Variants in RYR3 observed in about 807,000 individuals in gnomAD.
RYR3 encodes the protein brain ryanodine receptor-calcium release channel.
In RYR3, 207 loss-of-function variants were observed where a neutral mutation model predicts 584.3. The observed-to-expected ratio is 0.35, with a 90% CI of 0.32 to 0.40. The LOEUF (loss-of-function observed/expected upper bound fraction) is 0.40, where lower values mean the gene tolerates loss of function less well. Ranked by LOEUF, RYR3 falls within the 10% of genes least tolerant of loss-of-function variation. The pLI is 1.00. For synonymous variants in RYR3, 2,416 were observed against 2,248.5 expected (o/e 1.07, Z -2.11); for missense variants, 5,616 against 6,089.2 (o/e 0.92, Z 2.59).
Position 33,728,844 on chromosome 15 carries a change from A to T in RYR3, c.7034-13A>T. On this transcript the variant is annotated splice_polypyrimidine_tract_variant and intron_variant, in intron 46 of 103. Transcript: ENST00000634891. ...CAGGAAAAGGGAAATTACATTTTCTATGTGTCTTTCAGATGGGTCGGTCAG... is the reference window on the plus strand; with the variant it reads ...CAGGAAAAGGGAAATTACATTTTCTTTGTGTCTTTCAGATGGGTCGGTCAG... 1 of 1,605,990 alleles carries T rather than the reference A, an allele frequency of 6.2e-7. No homozygotes were observed. Among genetic ancestry groups the T allele is most frequent in the Non-Finnish European group, 8.5e-7 (1 of 1,177,016 alleles).
At position 33,558,298 on chromosome 15, in the gene RYR3, C is replaced by T. The variant is rs1207161328; in HGVS notation, c.973-4539C>T. ...TGTGTGATGTTCCCCTTCCTGTGTCCAGGTGTTCTCATTGTTCAATTCCCA... is the reference window on the plus strand; with the variant it reads ...TGTGTGATGTTCCCCTTCCTGTGTCTAGGTGTTCTCATTGTTCAATTCCCA... On this transcript the variant is annotated intron_variant, in intron 10 of 103. Coordinates refer to ENST00000634891, the MANE Select transcript of RYR3 (RefSeq NM_001036.6). Among the ~76,000 whole-genome samples the T allele has an allele frequency of 8.6e-5, 13 of 151,232 alleles. 1 individual carries two copies. Among genetic ancestry groups the T allele is most frequent in the Non-Finnish European group, 1.8e-4 (12 of 67,864 alleles).
intron 27 of RYR3, among the ~76,000 whole-genome samples, chr15:33,641,491 C>A (rs1212658446): frequency 6.6e-6 from 1 of 152,152 alleles, no homozygotes; most frequent in Non-Finnish European, 1.5e-5. Flanking sequence ...TTTTAAATGC[C>A]TCAAATAAAG....
intron 12 of RYR3, among the ~76,000 whole-genome samples, chr15:33,579,600 C>T (rs1397083703): frequency 6.6e-6 from 1 of 152,072 alleles, no homozygotes; most frequent in Non-Finnish European, 1.5e-5. Flanking sequence ...GAGTCACTGT[C>T]AAAATCACAG....
At chr15:33,443,761 G>T (rs2046408460) in intron 1 of RYR3, among the ~76,000 whole-genome samples, 2 of 152,180 alleles carry the variant, frequency 1.3e-5, no homozygotes, top group South Asian at 4.1e-4. Flanking sequence ...CTGTGCCTCT[G>T]CCACATGCCC....
At chr15:33,511,592 T>C (rs1458001539) in intron 3 of RYR3, among the ~76,000 whole-genome samples, 1 of 146,330 alleles carries the variant, frequency 6.8e-6, no homozygotes, top group Admixed American at 6.8e-5. Flanking sequence ...TTCCATTCTT[T>C]GTGTCTCTGC....
chr15:33,410,347 T>A (rs1436681308), intron 1 of RYR3, among the ~76,000 whole-genome samples: 1 of 152,222 alleles, frequency 6.6e-6, no homozygotes, highest in Non-Finnish European at 1.5e-5. Context: ...TTTAGAATCA[T>A]TTGAGTTGAA....
chr15:33,671,383 C>A (rs1478220355), intron 38 of RYR3, among the ~76,000 whole-genome samples: 1 of 152,242 alleles, frequency 6.6e-6, no homozygotes, highest in Non-Finnish European at 1.5e-5. Context: ...CCTTTCAAAT[C>A]GTAGACTAGA....
intron 1 of RYR3, among the ~76,000 whole-genome samples, chr15:33,336,508 G>A (rs8028565): frequency 0.15 from 3,309 of 22,704 alleles, 1,142 homozygotes; most frequent in African/African-American, 0.29. Flanking sequence ...GAAAGAAGGA[G>A]GGAAGGAGGG....
chr15:33,603,631 G>T (rs1223708120), intron 18 of RYR3, among the ~76,000 whole-genome samples: 1 of 152,168 alleles, frequency 6.6e-6, no homozygotes, highest in African/African-American at 2.4e-5. Context: ...GAATCGTTAG[G>T]ATTATATGAA....
rs1566919568 is a variant in RYR3, at chr15:33,669,847, G to GA, written c.5722+391_5722+392insA. Among the ~76,000 whole-genome samples, 4 of 46,674 alleles carry GA rather than the reference G, an allele frequency of 8.6e-5. 2 individuals carry two copies. The highest frequency in any genetic ancestry group is 5.7e-4 in the Admixed American group (2 of 3,510). 30.6% of individuals were successfully genotyped at this position (46,674 alleles called of 152,430 possible). On this transcript the variant is annotated intron_variant, in intron 37 of 103. Transcript: ENST00000634891. ...GCTATTAGGGGTGTGTGTGTGTGGG[G>GA]GGGGGGGGGGGTGTGGGTGTGTGGG...
intron 1 of RYR3, among the ~76,000 whole-genome samples, chr15:33,320,633 G>A (rs550891407): frequency 1.9e-3 from 291 of 152,262 alleles, no homozygotes; most frequent in African/African-American, 6.7e-3. Flanking sequence ...CTGTTGAAAG[G>A]TATGACCTTG....
intron 1 of RYR3, among the ~76,000 whole-genome samples, chr15:33,417,585 G>A (rs928937605): frequency 2.0e-5 from 3 of 152,058 alleles, no homozygotes; most frequent in Admixed American, 1.3e-4. Context: ...GTCATTTGGC[G>A]GAATCTTTAG....
At chr15:33,811,713 T>G (rs2076560338) in intron 72 of RYR3, among the ~76,000 whole-genome samples, 1 of 152,090 alleles carries the variant, frequency 6.6e-6, no homozygotes, top group South Asian at 2.1e-4. Context: ...GGTGTCAGAA[T>G]TTACTGACTG....
At chr15:33,535,594 G>GA (rs2055258732) in intron 5 of RYR3, among the ~76,000 whole-genome samples, 1 of 152,108 alleles carries the variant, frequency 6.6e-6, no homozygotes, top group Non-Finnish European at 1.5e-5. Flanking sequence ...CAATCCTGAA[G>GA]AATATGATCA....
intron 93 of RYR3, chr15:33,847,357 T>C (rs2078793135): frequency 6.6e-6 from 1 of 152,226 alleles, no homozygotes; most frequent in Non-Finnish European, 1.5e-5. Flanking sequence ...GTGGGGTACA[T>C]GCATATCATG....
chr15:33,677,520 T>C (rs1164149218), intron 38 of RYR3, among the ~76,000 whole-genome samples: 1 of 152,180 alleles, frequency 6.6e-6, no homozygotes, highest in Non-Finnish European at 1.5e-5. Flanking sequence ...AAACTGATTA[T>C]GAGGCTGGTT....
At chr15:33,560,455 T>TTG (rs754165268) in intron 10 of RYR3, among the ~76,000 whole-genome samples, 5 of 151,752 alleles carry the variant, frequency 3.3e-5, no homozygotes, top group African/African-American at 7.3e-5. Flanking sequence ...CTTTGTATTT[T>TTG]TTTTTTGCAA....
intron 76 of RYR3, among the ~76,000 whole-genome samples, chr15:33,819,515 T>G (rs577123678): frequency 1.3e-5 from 2 of 151,302 alleles, no homozygotes; most frequent in Non-Finnish European, 2.9e-5. Flanking sequence ...CTACTAAAAA[T>G]ATAAAAAAGT....
Position 33,857,875 on chromosome 15 carries a change from C to G in RYR3, c.14103C>G (p.Asp4701Glu). 1 of 1,614,174 alleles carries G rather than the reference C, an allele frequency of 6.2e-7. No individual in the cohort carries two copies. Among genetic ancestry groups the G allele is most frequent in the Non-Finnish European group, 8.5e-7 (1 of 1,180,038 alleles). The part of the protein sequence containing the change: ...FFRKFYNKSE[D>E]DDEPDMKCDD... ...GCAAGTTCTACAACAAAAGCGAAGA[C>G]GATGACGAGCCCGATATGAAGTGCG... The change falls in exon 99 of 104, where the codon GAC (aspartate) becomes GAG (glutamate). Residue 4701 changes from aspartate (D) to glutamate (E), a missense_variant. Coordinates refer to ENST00000634891, the MANE Select transcript of RYR3 (RefSeq NM_001036.6).
Sources: gnomAD v4.1 joint callset for allele counts (sites outside exome capture counted in the v4.1 genomes callset) on GRCh38, gnomAD v4.1.1 for gene constraint, MANE v1.5 for transcripts, NCBI Gene and HGNC (gene_info 2026-07-23, HGNC 2026-07-21) for gene names.